BBS2: variants seen among roughly 807,000 people sequenced by gnomAD.
BBS2 encodes the protein BBSome complex member BBS2.
BBS2 carries 62 observed loss-of-function variants against 83.0 expected under a neutral mutation model. That is an observed-to-expected ratio of 0.75 (90% CI 0.61 to 0.92). The LOEUF is 0.92. Among genes scored for constraint, BBS2 ranks in the 40% least tolerant of loss-of-function variants. The pLI is 0.00. For synonymous variants in BBS2, 303 were observed against 326.1 expected (o/e 0.93, Z 0.76); for missense variants, 784 against 901.0 (o/e 0.87, Z 1.66).
intron 15 of BBS2, among the ~76,000 whole-genome samples, chr16:56,494,675 G>A (rs947549472): frequency 2.6e-5 from 4 of 152,082 alleles, no homozygotes; most frequent in African/African-American, 4.8e-5. Flanking sequence ...AAATCTAGCC[G>A]TAAAAGGCCG....
At chr16:56,474,876 G>A in intron 17 of BBS2, 1 of 1,613,540 alleles carries the variant, frequency 6.2e-7, no homozygotes. Context: ...TGGAAGACCG[G>A]TCACTACACT....
intron 7 of BBS2, among the ~76,000 whole-genome samples, chr16:56,504,639 A>T (rs1482470743): frequency 6.6e-6 from 1 of 152,230 alleles, no homozygotes; most frequent in African/African-American, 2.4e-5. Flanking sequence ...AACGCATTAC[A>T]TAATAGAAAT....
rs760109919 is a variant in BBS2 at position 56,502,476 on chromosome 16, C to T, written c.941-20G>A. ...CCCGGACTGAACAGAAGGAAAAAAC[C>T]GCAAGTATAACCAGGTATACTTTTA... On this transcript the variant is annotated intron_variant, in intron 8 of 16. Coordinates refer to ENST00000245157, the MANE Select transcript of BBS2 (RefSeq NM_031885.5). 1.2e-5 allele frequency: 19 copies of T among 1,613,956 alleles called. 1 individual carries two copies. Among genetic ancestry groups the T allele is most frequent in the African/African-American group, 1.1e-4 (8 of 74,912 alleles).
intron 15 of BBS2, among the ~76,000 whole-genome samples, chr16:56,487,093 G>C (rs961923132): frequency 5.9e-5 from 9 of 151,902 alleles, no homozygotes; most frequent in Admixed American, 2.0e-4. Flanking sequence ...GATTGTAGTA[G>C]TAGCAACATG....
downstream of BBS2, among the ~76,000 whole-genome samples, chr16:56,483,503 C>A (rs560723319): frequency 6.6e-6 from 1 of 152,240 alleles, no homozygotes; most frequent in Non-Finnish European, 1.5e-5. Context: ...ATTAAAGGAA[C>A]CTGGGTCCCT....
At chr16:56,481,190 T>C (rs1016848287), downstream of BBS2, among the ~76,000 whole-genome samples, 2 of 152,056 alleles carry the variant, frequency 1.3e-5, no homozygotes, top group African/African-American at 4.8e-5. Context: ...GGTTGCATAA[T>C]AGTTTTAAAG....
At chr16:56,502,179 A>C in intron 9 of BBS2, 138 bp downstream of exon 9, 1 of 1,123,288 alleles carries the variant, frequency 8.9e-7, no homozygotes. Context: ...GAAAGCATAT[A>C]TCCCCTCTCA....
intron 17 of BBS2, among the ~76,000 whole-genome samples, chr16:56,474,327 T>C (rs1963351025): frequency 6.6e-6 from 1 of 150,496 alleles, no homozygotes; most frequent in Non-Finnish European, 1.5e-5. Context: ...CTTTTTTTTT[T>C]TTTTTTTTTT....
At chr16:56,508,437 C>T (rs1160901567) in intron 5 of BBS2, among the ~76,000 whole-genome samples, 6 of 152,274 alleles carry the variant, frequency 3.9e-5, no homozygotes, top group African/African-American at 1.2e-4. Context: ...CCACTTACAA[C>T]GTTCACAAGC....
chr16:56,478,880 G>C (rs1482897275), intron 17 of BBS2: 1 of 152,166 alleles, frequency 6.6e-6, no homozygotes, highest in Non-Finnish European at 1.5e-5. Context: ...GCACCTCTTA[G>C]ATTGTGAAGG....
intron 15 of BBS2, among the ~76,000 whole-genome samples, chr16:56,496,193 A>G (rs748455099): frequency 6.6e-6 from 1 of 152,048 alleles, no homozygotes. Context: ...ATTTTACTGA[A>G]TTTTTTTCAG....
At chr16:56,498,969 C>A (rs1288919456) in intron 12 of BBS2, 2 of 301,978 alleles carry the variant, frequency 6.6e-6, no homozygotes, top group Non-Finnish European at 1.3e-5. Flanking sequence ...TAAAACCATT[C>A]CATTCTATTC....
At chr16:56,472,915 G>C (rs1963264785) in intron 17 of BBS2, among the ~76,000 whole-genome samples, 1 of 149,052 alleles carries the variant, frequency 6.7e-6, no homozygotes, top group South Asian at 2.2e-4. Context: ...AAGCAGTTTT[G>C]CTTTTTTTGT....
rs1964556992 is a variant in BBS2 at position 56,510,856 on chromosome 16, T to TA, written c.534+2dup. The TA allele has an allele frequency of 6.2e-7, 1 of 1,614,026 alleles. No individual in the cohort carries two copies. The highest frequency in any genetic ancestry group is 8.5e-7 in the Non-Finnish European group (1 of 1,179,882). ...CAAGAGAGATATCTCCTCCCCCACA[T>TA]ACCTCTTTCTTTCCATCACCATCAA... On this transcript the variant is annotated splice_region_variant and intron_variant, in intron 4 of 16. Transcript: ENST00000245157.
chr16:56,499,594 G>C, intron 12 of BBS2, 184 bp downstream of exon 12: 1 of 679,634 alleles, frequency 1.5e-6, no homozygotes, highest in South Asian at 1.7e-5. Flanking sequence ...TTTTCAAAGT[G>C]AGAGAAGGTA....
chr16:56,510,947 G>A (rs1964559863), intron 3 of BBS2, 26 bp from the exon 4 acceptor site: 1 of 1,612,372 alleles, frequency 6.2e-7, no homozygotes, highest in African/African-American at 1.3e-5. Flanking sequence ...CAAACCATTA[G>A]CATGCCATCG....
At chr16:56,477,162 T>C (rs1277767437) in intron 17 of BBS2, 2 of 152,104 alleles carry the variant, frequency 1.3e-5, no homozygotes, top group Non-Finnish European at 2.9e-5. Context: ...ACATAAGTGA[T>C]TGCAGAATTT....
At position 56,518,065 on chromosome 16, in the gene BBS2, C is replaced by A. The variant is rs190258905; in HGVS notation, c.117+1681G>T. ...CTCCTGACCTCAGATGATCTGCCTG[C>A]CTCAGCCTCTCAAAGTGCTGGGATT... On this transcript the variant is annotated intron_variant, in intron 1 of 16. Transcript: ENST00000245157. 3.0e-3 allele frequency among the ~76,000 whole-genome samples: 455 copies of A among 152,256 alleles called. 2 individuals carry two copies. The highest frequency in any genetic ancestry group is 0.01 in the Middle Eastern group (3 of 294).
At chr16:56,475,977 G>C (rs1963452874) in intron 17 of BBS2, 2 of 1,405,752 alleles carry the variant, frequency 1.4e-6, no homozygotes, top group Non-Finnish European at 2.0e-6. Flanking sequence ...TCTGTTCCAT[G>C]GTTAATCATC....
Sources: allele counts gnomAD v4.1 joint callset (sites outside exome capture counted in the v4.1 genomes callset), GRCh38; gene constraint gnomAD v4.1.1; transcripts MANE v1.5; gene names NCBI Gene and HGNC (gene_info 2026-07-23, HGNC 2026-07-21).